Variants in STT3B observed in about 807,000 individuals in gnomAD.
STT3B encodes the protein dolichyl-diphosphooligosaccharide--protein glycosyltransferase subunit STT3B.
STT3B carries 29 observed loss-of-function variants against 96.8 expected under a neutral mutation model. The observed-to-expected ratio is 0.30, with a 90% CI of 0.22 to 0.41. The LOEUF (loss-of-function observed/expected upper bound fraction) is 0.41, where lower values mean the gene tolerates loss of function less well. STT3B is among the 10% of genes least tolerant of loss of function. The pLI is 1.00. For synonymous variants in STT3B, 367 were observed against 360.0 expected, an observed-to-expected ratio of 1.02 and a Z score of -0.22; for missense variants, 640 against 1,022.3, an observed-to-expected ratio of 0.63 and a Z score of 5.10.
At chr3:31,631,085 G>A (rs899917782) in intron 14 of STT3B, among the ~76,000 whole-genome samples, 20 of 152,264 alleles carry the variant, frequency 1.3e-4, no homozygotes, top group Admixed American at 1.0e-3. Flanking sequence ...GAGCCACCGC[G>A]CCCAGCCCCA....
At chr3:31,623,926 A>T in intron 11 of STT3B, 65 bp downstream of exon 11, 2 of 1,302,332 alleles carry the variant, frequency 1.5e-6, no homozygotes, top group South Asian at 1.6e-5. Flanking sequence ...GTCTCAAAGG[A>T]TATAATTAAA....
chr3:31,574,374 A>G (rs1332759585), intron 1 of STT3B, among the ~76,000 whole-genome samples: 1 of 152,122 alleles, frequency 6.6e-6, no homozygotes, highest in African/African-American at 2.4e-5. Context: ...TTGTAAATTT[A>G]GACCCTTGAT....
intron 9 of STT3B, among the ~76,000 whole-genome samples, chr3:31,621,497 G>A (rs1189735494): frequency 6.6e-6 from 1 of 152,232 alleles, no homozygotes; most frequent in African/African-American, 2.4e-5. Flanking sequence ...ATGACTCACT[G>A]AATTTGTAAA....
At chr3:31,628,468 T>C (rs552222480) in intron 13 of STT3B, among the ~76,000 whole-genome samples, 1 of 152,312 alleles carries the variant, frequency 6.6e-6, no homozygotes, top group Admixed American at 6.5e-5. Context: ...TATTTTAGTT[T>C]TATAAACAAT....
chr3:31,549,012 TATTTA>T (rs933670502), intron 1 of STT3B, among the ~76,000 whole-genome samples: 13 of 152,158 alleles, frequency 8.5e-5, no homozygotes, highest in African/African-American at 2.9e-4. Context: ...GTATTTACCG[TATTTA>T]ATTTATGAAT....
intron 2 of STT3B, among the ~76,000 whole-genome samples, chr3:31,578,801 GTAGGCAGT>G (rs1698314558): frequency 6.6e-6 from 1 of 151,822 alleles, no homozygotes; most frequent in Non-Finnish European, 1.5e-5. Context: ...TCTTGTGAGC[GTAGGCAGT>G]TAATAAATAG....
chr3:31,563,845 C>T (rs1697937908), intron 1 of STT3B, among the ~76,000 whole-genome samples: 1 of 152,094 alleles, frequency 6.6e-6, no homozygotes, highest in Non-Finnish European at 1.5e-5. Context: ...TGCTCTGTCA[C>T]CCAGGCTGGA....
At chr3:31,554,675 TA>T (rs1697659838) in intron 1 of STT3B, among the ~76,000 whole-genome samples, 1 of 152,154 alleles carries the variant, frequency 6.6e-6, no homozygotes, top group Non-Finnish European at 1.5e-5. Context: ...GGAGGTCTTC[TA>T]AAAAATAATT....
At chr3:31,624,627 T>TAC (rs1466444043) in intron 11 of STT3B, among the ~76,000 whole-genome samples, 1 of 151,852 alleles carries the variant, frequency 6.6e-6, no homozygotes, top group Non-Finnish European at 1.5e-5. Flanking sequence ...ATTAGGCTTG[T>TAC]ACACTATTAG....
chr3:31,545,772 G>A (rs972813016), intron 1 of STT3B, among the ~76,000 whole-genome samples: 4 of 150,824 alleles, frequency 2.7e-5, no homozygotes, highest in Admixed American at 6.6e-5. Context: ...TTTGAATGTG[G>A]CTCAACACAA....
chr3:31,600,638 A>G (rs1015055385), intron 5 of STT3B, among the ~76,000 whole-genome samples, 179 bp downstream of exon 5: 1 of 152,028 alleles, frequency 6.6e-6, no homozygotes, highest in African/African-American at 2.4e-5. Context: ...TTTGTCATCA[A>G]CTTTTCCTTG....
At position 31,622,201 on chromosome 3, in the gene STT3B, A is replaced by C. The variant is rs1699445719; in HGVS notation, c.1432A>C (p.Asn478His). The C allele has an allele frequency of 6.2e-7, 1 of 1,614,120 alleles. No homozygotes were observed. Among genetic ancestry groups the C allele is most frequent in the East Asian group, 2.2e-5 (1 of 44,874 alleles). Residue 478 changes from asparagine to histidine, a missense_variant, in exon 10 of 16, where the codon AAT becomes CAT. Physicochemically the swap from Asn to His is moderately conservative, Grantham distance 68. Coordinates refer to ENST00000295770, the MANE Select transcript of STT3B (RefSeq NM_178862.3). ...VCMLSAIAFS[N>H]VFEHYLGDDM... ...TATGCTGTCTGCAATTGCCTTTTCA[A>C]ATGTTTTTGAGCACTATTTGGGGGA...
chr3:31,587,113 C>T (rs151051342), intron 3 of STT3B, among the ~76,000 whole-genome samples: 7 of 152,134 alleles, frequency 4.6e-5, no homozygotes, highest in East Asian at 3.9e-4. Flanking sequence ...TTTTCCTTTA[C>T]GTACTTTAGC....
At chr3:31,569,096 A>G (rs985648110) in intron 1 of STT3B, among the ~76,000 whole-genome samples, 1 of 152,024 alleles carries the variant, frequency 6.6e-6, no homozygotes, top group Non-Finnish European at 1.5e-5. Context: ...TGCAGCCTCA[A>G]ACTTCTGGGC....
chr3:31,602,687 ACT>A (rs1698958177), intron 5 of STT3B, among the ~76,000 whole-genome samples: 1 of 125,658 alleles, frequency 8.0e-6, no homozygotes, highest in Non-Finnish European at 1.6e-5. Context: ...TTTTTTGGTC[ACT>A]CTAGAAAAAT....
chr3:31,610,271 G>A (rs896348678), intron 5 of STT3B, among the ~76,000 whole-genome samples: 58 of 152,076 alleles, frequency 3.8e-4, no homozygotes, highest in African/African-American at 1.4e-3. Context: ...AGCAAAATTG[G>A]TTGGATTTTA....
chr3:31,586,628 A>T (rs1575427275), intron 3 of STT3B, among the ~76,000 whole-genome samples: 1 of 152,270 alleles, frequency 6.6e-6, no homozygotes, highest in South Asian at 2.1e-4. Flanking sequence ...TCATGTGTTG[A>T]AAAGATTGTT....
At chr3:31,572,001 ATTAT>A (rs1255352270) in intron 1 of STT3B, among the ~76,000 whole-genome samples, 5 of 135,944 alleles carry the variant, frequency 3.7e-5, no homozygotes, top group African/African-American at 1.1e-4. Context: ...TTAATACATA[ATTAT>A]TTTATTAAAC....
chr3:31,550,397 T>G (rs1210613930), intron 1 of STT3B, among the ~76,000 whole-genome samples: 1 of 152,232 alleles, frequency 6.6e-6, no homozygotes, highest in East Asian at 1.9e-4. Flanking sequence ...CTGAAGCTTA[T>G]GACATGCTCT....
Sources: allele counts gnomAD v4.1 joint callset (sites outside exome capture counted in the v4.1 genomes callset), GRCh38; gene constraint gnomAD v4.1.1; transcripts MANE v1.5; gene names NCBI Gene and HGNC (gene_info 2026-07-23, HGNC 2026-07-21).